The following HEPH variants were observed in gnomAD, a reference collection of about 807,000 sequenced individuals.
The protein encoded by HEPH is hephaestin.
In HEPH, 69 loss-of-function variants were observed where a neutral mutation model predicts 80.8. The ratio of observed to expected loss-of-function variants is 0.85; its 90% CI spans 0.70 to 1.04. The LOEUF (loss-of-function observed/expected upper bound fraction) is 1.04, where lower values mean the gene tolerates loss of function less well. Ranked by LOEUF, HEPH falls within the 50% of genes least tolerant of loss-of-function variation. The probability of loss-of-function intolerance (pLI) is 0.00; values close to 1 mark genes in which losing one functional copy is unlikely to be tolerated. For synonymous variants in HEPH, 431 were observed against 322.8 expected (o/e 1.34, Z -3.60); for missense variants, 1,115 against 891.3 (o/e 1.25, Z -3.20).
At chrX:66,252,886 C>A (rs1452278233) in intron 15 of HEPH, among the ~76,000 whole-genome samples, 1 of 112,134 alleles carries the variant, frequency 8.9e-6, no homozygotes, top group Non-Finnish European at 1.9e-5. Flanking sequence ...TGTGCTGAGG[C>A]AATTGGATAT....
intron 15 of HEPH, among the ~76,000 whole-genome samples, chrX:66,216,488 A>G (rs1463107458): frequency 1.8e-5 from 2 of 111,850 alleles, no homozygotes; most frequent in Non-Finnish European, 3.8e-5. Context: ...AAGAGAAATA[A>G]CAATCACTGC....
At chrX:66,230,701 G>A (rs28787928) in intron 15 of HEPH, among the ~76,000 whole-genome samples, 10,002 of 102,300 alleles carry the variant, frequency 0.098, 1,072 homozygotes, top group African/African-American at 0.29. Flanking sequence ...AGTAGGTTGC[G>A]AAAATTTTCT....
Position 66,188,465 on chromosome X carries a change from C to T in HEPH, c.732C>T (p.Asn244=). The change falls in exon 5 of 21, where the codon AAC becomes AAT. Residue 244 remains asparagine, a synonymous_variant. Coordinates refer to ENST00000343002, the MANE Select transcript of HEPH (RefSeq NM_001367233.3). ...DENLSWHLNE[N]IATYCSDPAS... ...ACCTCAGCTGGCATCTCAATGAGAA[C>T]ATTGCCACTTACTGCTCAGATCCTG... 1 of 1,209,778 alleles carries T rather than the reference C, an allele frequency of 8.3e-7. No individual in the cohort carries two copies. The highest frequency in any genetic ancestry group is 1.1e-6 in the Non-Finnish European group (1 of 894,069).
chrX:66,174,096 T>C (rs2086707693), intron 4 of HEPH, among the ~76,000 whole-genome samples: 1 of 110,132 alleles, frequency 9.1e-6, no homozygotes, highest in South Asian at 4.0e-4. Flanking sequence ...TTGTGAGATT[T>C]TGGTGCACCT....
chrX:66,190,221 A>G (rs2087718238), intron 6 of HEPH, among the ~76,000 whole-genome samples: 1 of 110,163 alleles, frequency 9.1e-6, no homozygotes. Context: ...TCAGCTTTTT[A>G]TTATTTGCTT....
chrX:66,256,161 G>A lies in HEPH; in HGVS notation c.2727G>A (p.Glu909=). The A allele has an allele frequency of 2.5e-6, 3 of 1,211,527 alleles. No homozygotes were observed. The highest frequency in any genetic ancestry group is 3.4e-6 in the Non-Finnish European group (3 of 895,235). ...CTATCTGCCAAAAGGGCATCCTGGAGCCCCATGGAGGACGGAGTGACATGG... is the reference window on the plus strand; with the variant it reads ...CTATCTGCCAAAAGGGCATCCTGGAACCCCATGGAGGACGGAGTGACATGG... The part of the protein sequence containing the change: ...PLAICQKGIL[E]PHGGRSDMDR... Residue 909 remains glutamate, a synonymous_variant, in exon 17 of 21, where the codon GAG becomes GAA. Coordinates refer to ENST00000343002, the MANE Select transcript of HEPH (RefSeq NM_001367233.3).
At chrX:66,174,701 T>C (rs188611852) in intron 4 of HEPH, among the ~76,000 whole-genome samples, 16 of 111,863 alleles carry the variant, frequency 1.4e-4, no homozygotes, top group Middle Eastern at 4.6e-3. Flanking sequence ...TTTTTGATTA[T>C]GGTCATTCTT....
chrX:66,181,812 C>G (rs2087167539), intron 4 of HEPH, among the ~76,000 whole-genome samples: 1 of 85,740 alleles, frequency 1.2e-5, no homozygotes, highest in African/African-American at 4.3e-5. Flanking sequence ...AGGTTTTCTT[C>G]TAGGGTTTTT....
At chrX:66,239,799 A>G (rs1014109932) in intron 15 of HEPH, among the ~76,000 whole-genome samples, 2 of 112,176 alleles carry the variant, frequency 1.8e-5, no homozygotes, top group African/African-American at 6.5e-5. Flanking sequence ...AGTTTACAAA[A>G]TGAGTCATAT....
In HEPH at chrX:66,260,196, C is replaced by T. The variant is rs746932466; in HGVS notation, c.3133C>T (p.His1045Tyr). The T allele has an allele frequency of 8.3e-7, 1 of 1,204,272 alleles. No homozygotes were observed. Among genetic ancestry groups the T allele is most frequent in the Non-Finnish European group, 1.1e-6 (1 of 888,995 alleles). The change falls in exon 19 of 21, where the codon CAC becomes TAC. Residue 1045 changes from histidine (H) to tyrosine (Y), a missense_variant. By Grantham distance (83) the His-to-Tyr change is moderately conservative (BLOSUM62 2). Transcript: ENST00000343002. ...CAGCAACCCTGGGACATGGCTGATG[C>T]ACTGCCATGTGACTGACCATGTCCA... The part of the protein sequence containing the change: ...VASNPGTWLM[H>Y]CHVTDHVHAG...
chrX:66,231,127 T>C (rs1237768677), intron 15 of HEPH, among the ~76,000 whole-genome samples: 1 of 109,876 alleles, frequency 9.1e-6, no homozygotes, highest in African/African-American at 3.3e-5. Context: ...TTCTGTTCCA[T>C]TGATCTATAT....
At chrX:66,242,176 G>T (rs1364945277) in intron 15 of HEPH, among the ~76,000 whole-genome samples, 1 of 109,988 alleles carries the variant, frequency 9.1e-6, no homozygotes, top group Non-Finnish European at 1.9e-5. Context: ...CAGACACATA[G>T]ACCAATATAA....
intron 12 of HEPH, among the ~76,000 whole-genome samples, chrX:66,202,891 T>C (rs747776557): frequency 2.0e-5 from 2 of 99,566 alleles, no homozygotes; most frequent in African/African-American, 7.6e-5. Context: ...GTTTAGCAAT[T>C]GCCACAAGGT....
rs1475531348 is a variant in HEPH, at chrX:66,188,419, T to A, written c.686T>A (p.Leu229His). 1 of 1,206,296 alleles carries A rather than the reference T, an allele frequency of 8.3e-7. No homozygotes were observed. The highest frequency in any genetic ancestry group is 1.1e-6 in the Non-Finnish European group (1 of 892,466). The change falls in exon 5 of 21, where the codon CTC becomes CAC. Residue 229 changes from leucine (L) to histidine (H), a missense_variant. This residue lies in a region of HEPH where 391 missense variants were observed against 343.6 expected (regional missense o/e 1.14). Transcript: ENST00000343002. Reference sequence around the variant, plus strand: ...GATGTAGACCATGATTTCTTCCTCCTCTTCAGTGTGGTAGATGAGAACCTC... The same window carrying A: ...GATGTAGACCATGATTTCTTCCTCCACTTCAGTGTGGTAGATGAGAACCTC... Reference protein sequence around the residue: ...RQDVDHDFFLLFSVVDENLSW... With the variant: ...RQDVDHDFFLHFSVVDENLSW...
At chrX:66,228,727 C>T (rs1405497030) in intron 15 of HEPH, among the ~76,000 whole-genome samples, 3 of 111,644 alleles carry the variant, frequency 2.7e-5, no homozygotes, top group African/African-American at 6.5e-5. Context: ...CATGAATAGA[C>T]AATTCTCAAA....
intron 4 of HEPH, among the ~76,000 whole-genome samples, chrX:66,180,952 G>GT (rs1051769498): frequency 1.0e-5 from 1 of 100,054 alleles, no homozygotes; most frequent in Admixed American, 1.1e-4. Context: ...GCGGTATTTG[G>GT]TTTTTTTGTT....
At chrX:66,243,062 G>A (rs1472712743) in intron 15 of HEPH, among the ~76,000 whole-genome samples, 1 of 111,622 alleles carries the variant, frequency 9.0e-6, no homozygotes, top group Non-Finnish European at 1.9e-5. Flanking sequence ...CACCTGACGT[G>A]CATATTCATC....
intron 17 of HEPH, among the ~76,000 whole-genome samples, chrX:66,256,636 A>G (rs1345116518): frequency 1.8e-5 from 2 of 111,986 alleles, no homozygotes; most frequent in Non-Finnish European, 3.8e-5. Context: ...ATGACCTTCA[A>G]TGTACTTGTC....
chrX:66,210,841 C>G (rs755340407), intron 15 of HEPH, among the ~76,000 whole-genome samples: 1 of 111,153 alleles, frequency 9.0e-6, no homozygotes, highest in African/African-American at 3.3e-5. Context: ...GATTAAGCAC[C>G]TGGATGTTGG....
Sources: gnomAD v4.1 joint callset for allele counts (sites outside exome capture counted in the v4.1 genomes callset) on GRCh38, gnomAD v4.1.1 for gene constraint, gnomAD v4.1.1 regional missense constraint, MANE v1.5 for transcripts, NCBI Gene and HGNC (gene_info 2026-07-23, HGNC 2026-07-21) for gene names.